Variants in PCNT observed in about 807,000 individuals in gnomAD.
PCNT encodes the protein pericentrin.
Under a neutral mutation model 380.4 loss-of-function variants are expected in PCNT, and 319 were observed. The ratio of observed to expected loss-of-function variants is 0.84; its 90% CI spans 0.77 to 0.92. The LOEUF is 0.92. PCNT is among the 40% of genes least tolerant of loss of function. PCNT has a pLI of 0.00. For missense variants in PCNT, 4,400 were observed against 4,255.3 expected, an observed-to-expected ratio of 1.03 and a Z score of -0.95; for synonymous variants, 1,845 against 1,735.2, an observed-to-expected ratio of 1.06 and a Z score of -1.57.
chr21:46,389,194 T>TG lies in PCNT; in HGVS notation c.3608-4dup, dbSNP rs1453430865. On this transcript the variant is annotated splice_polypyrimidine_tract_variant and splice_region_variant and intron_variant, in intron 18 of 46. Coordinates refer to ENST00000359568, the MANE Select transcript of PCNT (RefSeq NM_006031.6). ...CGCGTGTGCCGGCATCTGCTCATCT[T>TG]GTAGCTCCGGCGCTGGAGGAGACAT... The TG allele has an allele frequency of 6.2e-7, 1 of 1,613,614 alleles. No individual in the cohort carries two copies. Among genetic ancestry groups the TG allele is most frequent in the South Asian group, 1.1e-5 (1 of 91,074 alleles).
intron 3 of PCNT, among the ~76,000 whole-genome samples, chr21:46,335,581 C>A (rs117870562): frequency 0.043 from 6,165 of 144,720 alleles, 194 homozygotes; most frequent in Non-Finnish European, 0.064. Context: ...GGGAGACAGA[C>A]CGAGATTCCA....
chr21:46,434,507 A>G (rs1243785481), intron 38 of PCNT, among the ~76,000 whole-genome samples: 1 of 152,236 alleles, frequency 6.6e-6, no homozygotes, highest in East Asian at 1.9e-4. Context: ...GTCACAAGGA[A>G]GCCCCAGCGG....
chr21:46,439,868 C>T (rs2053560999), intron 41 of PCNT, among the ~76,000 whole-genome samples: 1 of 152,202 alleles, frequency 6.6e-6, no homozygotes, highest in Admixed American at 6.5e-5. Flanking sequence ...AGTGGCATGT[C>T]GTAATTACTC....
At chr21:46,412,637 G>A (rs894552167) in intron 28 of PCNT, among the ~76,000 whole-genome samples, 200 bp from the exon 29 acceptor site, 19 of 152,152 alleles carry the variant, frequency 1.2e-4, no homozygotes, top group African/African-American at 3.9e-4. Context: ...GTCCTGGGTC[G>A]GGGCAGCTTT....
At chr21:46,438,903 C>T (rs892879573) in intron 41 of PCNT, among the ~76,000 whole-genome samples, 16 of 151,974 alleles carry the variant, frequency 1.1e-4, no homozygotes, top group South Asian at 2.1e-4. Context: ...AAAATCCTGA[C>T]GTGATTCCGC....
rs2085923030 is a variant in PCNT, at chr21:46,388,658, G to A, written c.3465-84G>A. ...AGCCGTGGGCCGAGGTGTGCAAACT[G>A]GTGGGCGGCCCCTCAGCAGCATCCA... On this transcript the variant is annotated intron_variant, in intron 17 of 46. Transcript: ENST00000359568. The surrounding 1 kb of genome is among the most constrained non-coding windows in gnomAD (Gnocchi z 4.2). The A allele has an allele frequency of 6.4e-7, 1 of 1,560,448 alleles. No individual in the cohort carries two copies.
Position 46,338,903 on chromosome 21 carries a change from C to G in PCNT, c.639+4135C>G, listed in dbSNP as rs140377006. On this transcript the variant is annotated intron_variant, in intron 3 of 46. Coordinates refer to ENST00000359568, the MANE Select transcript of PCNT (RefSeq NM_006031.6). ...TCAAGGGGTTCTCCCGCCTCAGCCTCCCGAGTACCTGGGATTACAGGTGCA... is the reference window on the plus strand; with the variant it reads ...TCAAGGGGTTCTCCCGCCTCAGCCTGCCGAGTACCTGGGATTACAGGTGCA... 7.2e-3 allele frequency among the ~76,000 whole-genome samples: 1,094 copies of G among 152,326 alleles called. 19 individuals are homozygous for G. Among genetic ancestry groups the G allele is most frequent in the African/African-American group, 0.025 (1,045 of 41,570 alleles).
At chr21:46,420,320 C>T (rs7275926) in intron 31 of PCNT, among the ~76,000 whole-genome samples, 19,281 of 152,160 alleles carry the variant, frequency 0.13, 1,296 homozygotes, top group East Asian at 0.2. Context: ...TTCCTTATTT[C>T]TACTTCTTTT....
intron 29 of PCNT, among the ~76,000 whole-genome samples, chr21:46,414,314 C>G (rs559834657): frequency 6.6e-6 from 1 of 152,064 alleles, no homozygotes; most frequent in East Asian, 1.9e-4. Flanking sequence ...TTTTGATGCA[C>G]TGTCTGCACC....
intron 11 of PCNT, among the ~76,000 whole-genome samples, chr21:46,354,843 T>G (rs976181259): frequency 6.6e-6 from 1 of 152,020 alleles, no homozygotes; most frequent in Middle Eastern, 3.2e-3. Flanking sequence ...CAACACAGAA[T>G]TTGCTGCACA....
chr21:46,399,263 CT>C (rs1224457778), intron 24 of PCNT, among the ~76,000 whole-genome samples: 121 of 151,898 alleles, frequency 8.0e-4, no homozygotes, highest in East Asian at 1.5e-3. Context: ...CCTGTGCAGC[CT>C]GTGGGTCTGG....
intron 21 of PCNT, among the ~76,000 whole-genome samples, chr21:46,395,845 C>T (rs985749255): frequency 2.6e-5 from 4 of 151,198 alleles, no homozygotes; most frequent in African/African-American, 7.3e-5. Context: ...CTTCAGGACT[C>T]GGCAGCAGAG....
Position 46,390,802 on chromosome 21 carries a change from G to C in PCNT, c.3973G>C (p.Glu1325Gln). 11 of 1,611,168 alleles carry C rather than the reference G, an allele frequency of 6.8e-6. No homozygotes were observed. Among genetic ancestry groups the C allele is most frequent in the Non-Finnish European group, 9.3e-6 (11 of 1,179,166 alleles). ...CLKEESAAKA[E>Q]LALELHKTQG... ...GAAGGAGGAGAGCGCAGCAAAGGCA[G>C]AGCTGGCGCTGGAGCTGCACAAGAC... The change falls in exon 20 of 47, where the codon GAG becomes CAG. Residue 1325 changes from glutamate to glutamine, a missense_variant. By Grantham distance (29) the Glu-to-Gln change is conservative (BLOSUM62 2). Coordinates refer to ENST00000359568, the MANE Select transcript of PCNT (RefSeq NM_006031.6).
In PCNT at chr21:46,411,933, A is replaced by G; in HGVS notation, c.5860A>G (p.Arg1954Gly). 1 of 1,594,438 alleles carries G rather than the reference A, an allele frequency of 6.3e-7. No homozygotes were observed. Among genetic ancestry groups the G allele is most frequent in the South Asian group, 1.1e-5 (1 of 90,320 alleles). The change falls in exon 28 of 47, where the codon AGA (arginine) becomes GGA (glycine). Residue 1954 changes from arginine to glycine, a missense_variant. Transcript: ENST00000359568. ...GGAGCTGGACAGGCGGCAGGCCCGC[A>G]GAGCCACAGCTCACACACGGGTGCC... Reference protein sequence around the residue: ...QVELDRRQARRATAHTRVPGA... With the variant: ...QVELDRRQARGATAHTRVPGA...
In PCNT at chr21:46,397,451, C is replaced by T; in HGVS notation, c.4403C>T (p.Ala1468Val). ...EAVTALEQQV[A>V]SLDKHLRNQR... Reference sequence around the variant, plus strand: ...GTCACTGCCCTGGAACAGCAGGTGGCATCTCTGGACAAGCATTTGCGCAAC... The same window carrying T: ...GTCACTGCCCTGGAACAGCAGGTGGTATCTCTGGACAAGCATTTGCGCAAC... The change falls in exon 22 of 47, where the codon GCA becomes GTA. Residue 1468 changes from alanine (A) to valine (V), a missense_variant. By Grantham distance (64) the Ala-to-Val change is moderately conservative. Transcript: ENST00000359568. The T allele has an allele frequency of 6.2e-7, 1 of 1,614,166 alleles. No individual in the cohort carries two copies. The highest frequency in any genetic ancestry group is 8.5e-7 in the Non-Finnish European group (1 of 1,180,020).
At chr21:46,440,011 C>G in intron 41 of PCNT, 72 bp from the exon 42 acceptor site, 1 of 1,596,176 alleles carries the variant, frequency 6.3e-7, no homozygotes, top group South Asian at 1.1e-5. Context: ...CTCACCTGCC[C>G]CCGGCTGCGT....
intron 8 of PCNT, among the ~76,000 whole-genome samples, chr21:46,350,498 C>T (rs1486364652): frequency 6.6e-6 from 1 of 152,168 alleles, no homozygotes; most frequent in African/African-American, 2.4e-5. Flanking sequence ...GTGGCCAGGT[C>T]CTCATTGGAG....
chr21:46,376,704 T>C (rs1353017833), intron 15 of PCNT, among the ~76,000 whole-genome samples: 1 of 152,246 alleles, frequency 6.6e-6, no homozygotes, highest in Admixed American at 6.5e-5. Flanking sequence ...CCTGGCCCGC[T>C]GCCCCCTCCC....
chr21:46,346,692 C>T, intron 4 of PCNT, 51 bp from the exon 5 acceptor site: 6 of 1,561,496 alleles, frequency 3.8e-6, no homozygotes, highest in Middle Eastern at 1.9e-4. Flanking sequence ...CTCCCTGATG[C>T]GCCCTGGTTC....
Sources: allele counts gnomAD v4.1 joint callset (sites outside exome capture counted in the v4.1 genomes callset), GRCh38; gene constraint gnomAD v4.1.1; non-coding constraint Gnocchi (gnomAD v3.1); transcripts MANE v1.5; gene names NCBI Gene and HGNC (gene_info 2026-07-23, HGNC 2026-07-21).